STS: variants seen among roughly 807,000 people sequenced by gnomAD.
STS encodes steroid sulfatase, also known as steryl-sulfatase.
STS carries 7 observed loss-of-function variants against 26.8 expected under a neutral mutation model. The ratio of observed to expected loss-of-function variants is 0.26; its 90% CI spans 0.15 to 0.49. The LOEUF is 0.49. Ranked by LOEUF, STS falls within the 20% of genes least tolerant of loss-of-function variation. The pLI is 0.98. For synonymous variants in STS, 199 were observed against 189.4 expected (o/e 1.05, Z -0.42); for missense variants, 434 against 465.6 (o/e 0.93, Z 0.63).
chrX:7,243,999 G>A (rs1233440286), intron 2 of STS, among the ~76,000 whole-genome samples: 1 of 111,249 alleles, frequency 9.0e-6, no homozygotes, highest in Admixed American at 9.6e-5. Flanking sequence ...AACCCGGGCG[G>A]CAGAGGTTGC....
Position 7,334,044 on chromosome X carries a change from C to T in STS, c.1300C>T (p.His434Tyr). The change falls in exon 10 of 11, where the codon CAT (histidine) becomes TAT (tyrosine). Residue 434 changes from histidine to tyrosine, a missense_variant. Coordinates refer to ENST00000674429, the MANE Select transcript of STS (RefSeq NM_001320752.2). ...LLEGKSQRSDHEFLFHYCNAY... is the reference protein window; with the variant it reads ...LLEGKSQRSDYEFLFHYCNAY... ...TGAAGGAAAAAGCCAACGCTCCGATCATGAGTTTCTCTTCCATTACTGCAA... is the reference window on the plus strand; with the variant it reads ...TGAAGGAAAAAGCCAACGCTCCGATTATGAGTTTCTCTTCCATTACTGCAA... 2 of 1,211,621 alleles carry T rather than the reference C, an allele frequency of 1.7e-6. No individual in the cohort carries two copies. Among genetic ancestry groups the T allele is most frequent in the Non-Finnish European group, 2.2e-6 (2 of 895,343 alleles).
chrX:7,211,894 C>G (rs1921045865), intron 2 of STS, among the ~76,000 whole-genome samples: 1 of 110,111 alleles, frequency 9.1e-6, no homozygotes, highest in African/African-American at 3.4e-5. Context: ...TCATAGAGAT[C>G]AGAGCTACAT....
At chrX:7,215,891 C>T (rs975518820) in intron 2 of STS, among the ~76,000 whole-genome samples, 2 of 111,653 alleles carry the variant, frequency 1.8e-5, no homozygotes, top group Non-Finnish European at 3.8e-5. Context: ...TCAGTAAATT[C>T]TCCTCTCATT....
intron 1 of STS, among the ~76,000 whole-genome samples, chrX:7,163,805 G>C (rs1301254992): frequency 1.8e-5 from 2 of 111,908 alleles, no homozygotes; most frequent in Non-Finnish European, 3.8e-5. Context: ...ACAGATTGTG[G>C]GTATTCATTT....
intron 10 of STS, among the ~76,000 whole-genome samples, chrX:7,342,105 G>A (rs1166291098): frequency 8.9e-6 from 1 of 111,999 alleles, no homozygotes; most frequent in Non-Finnish European, 1.9e-5. Context: ...GGGCCACTGT[G>A]CCTGGCCCCA....
Position 7,350,520 on chromosome X carries a change from T to C in STS, c.*259T>C, listed in dbSNP as rs1320229585. On this transcript the variant is annotated 3_prime_UTR_variant, in exon 11 of 11. Transcript: ENST00000674429. The stretch of plus-strand genomic sequence containing the variant: ...GGCCAGAGTCTTGGACTCATGGAAA[T>C]AGAATGAATAGAGGGGCATTCACAA... 3 of 390,758 alleles carry C rather than the reference T, an allele frequency of 7.7e-6. No individual in the cohort carries two copies. The highest frequency in any genetic ancestry group is 1.3e-5 in the Non-Finnish European group (3 of 227,016). 32.2% of individuals were successfully genotyped at this position (390,758 alleles called of 1,213,427 possible). A position where few individuals can be genotyped will look rare whatever the true frequency, so the allele number is the denominator to read the frequency against.
chrX:7,229,906 T>C (rs1921984385), intron 2 of STS, among the ~76,000 whole-genome samples: 1 of 109,160 alleles, frequency 9.2e-6, no homozygotes, highest in South Asian at 4.1e-4. Context: ...GGGGACAGGG[T>C]TTTGCTGTGT....
intron 1 of STS, among the ~76,000 whole-genome samples, chrX:7,174,231 G>A (rs1381128927): frequency 9.0e-6 from 1 of 111,512 alleles, no homozygotes; most frequent in South Asian, 3.8e-4. Flanking sequence ...TTGGAGAAGG[G>A]CTAGAGGAAT....
intron 2 of STS, among the ~76,000 whole-genome samples, chrX:7,193,522 G>GA (rs1235221491): frequency 2.7e-5 from 3 of 109,311 alleles, no homozygotes; most frequent in African/African-American, 1.0e-4. Flanking sequence ...GAAGGGCTCT[G>GA]AAAAAAATGA....
chrX:7,266,904 C>G (rs1924033585), intron 6 of STS, among the ~76,000 whole-genome samples: 1 of 112,036 alleles, frequency 8.9e-6, no homozygotes, highest in Non-Finnish European at 1.9e-5. Context: ...TGTGGATACA[C>G]ACATTGTTTT....
chrX:7,214,016 A>T (rs867237182), intron 2 of STS, among the ~76,000 whole-genome samples: 1 of 111,334 alleles, frequency 9.0e-6, no homozygotes. Context: ...CTGGGATGGG[A>T]GGTTGAGGCT....
intron 7 of STS, among the ~76,000 whole-genome samples, chrX:7,280,077 T>C (rs1270749350): frequency 8.9e-6 from 1 of 111,939 alleles, no homozygotes; most frequent in Admixed American, 9.5e-5. Context: ...GTGCATCATG[T>C]CAGTGCACAA....
chrX:7,326,153 G>A (rs1181862961), intron 9 of STS, among the ~76,000 whole-genome samples: 1 of 110,580 alleles, frequency 9.0e-6, no homozygotes, highest in Non-Finnish European at 1.9e-5. Flanking sequence ...GAGGAAAACT[G>A]CACTGAGGCC....
At chrX:7,217,643 T>C (rs963378677) in intron 2 of STS, among the ~76,000 whole-genome samples, 7 of 111,006 alleles carry the variant, frequency 6.3e-5, no homozygotes, top group African/African-American at 2.3e-4. Context: ...TTTTGACTCT[T>C]GTTTGGTTTT....
chrX:7,246,313 G>A (rs1427847560), intron 2 of STS, among the ~76,000 whole-genome samples: 10 of 106,004 alleles, frequency 9.4e-5, no homozygotes, highest in Admixed American at 2.0e-4. Flanking sequence ...TCAGGCTGGA[G>A]TGCAGTGAGA....
At chrX:7,324,765 G>T (rs1469969444) in intron 8 of STS, among the ~76,000 whole-genome samples, 1 of 111,521 alleles carries the variant, frequency 9.0e-6, no homozygotes, top group Admixed American at 9.6e-5. Flanking sequence ...TTGCTGAGAG[G>T]AGGTGTCTAT....
rs1373209575 is a variant in STS at position 7,260,692 on chromosome X, G to A, written c.806+920G>A. Among the ~76,000 whole-genome samples the A allele has an allele frequency of 5.4e-5, 6 of 112,124 alleles. No homozygotes were observed. The Admixed American group carries it at 5.7e-4, about 11-fold the overall frequency. ...CCCAAAGTGCTGGGATTACAGGTGT[G>A]AGCCACAGTACCCAGCCCCACTGGT... On this transcript the variant is annotated intron_variant, in intron 6 of 10. Coordinates refer to ENST00000674429, the MANE Select transcript of STS (RefSeq NM_001320752.2).
At chrX:7,217,088 A>G (rs1425894664) in intron 2 of STS, among the ~76,000 whole-genome samples, 3 of 110,805 alleles carry the variant, frequency 2.7e-5, no homozygotes, top group African/African-American at 9.9e-5. Flanking sequence ...ATGGAAAACT[A>G]CTAAGAGGAA....
chrX:7,337,570 C>T (rs1427731841), intron 10 of STS, among the ~76,000 whole-genome samples: 2 of 111,843 alleles, frequency 1.8e-5, no homozygotes, highest in Non-Finnish European at 3.8e-5. Flanking sequence ...AGAGGGTTGT[C>T]GCCTGACCTC....
Sources: gnomAD v4.1 joint callset for allele counts (sites outside exome capture counted in the v4.1 genomes callset) on GRCh38, gnomAD v4.1.1 for gene constraint, MANE v1.5 for transcripts, NCBI Gene and HGNC (gene_info 2026-07-23, HGNC 2026-07-21) for gene names.